The following BNC2 variants were observed in gnomAD, a reference collection of about 807,000 sequenced individuals.
The protein encoded by BNC2 is basonuclin zinc finger protein 2.
A neutral mutation model predicts 76.3 loss-of-function variants in BNC2; 20 were observed. The ratio of observed to expected loss-of-function variants is 0.26; its 90% CI spans 0.18 to 0.38. BNC2 has a LOEUF of 0.38. Ranked by LOEUF, BNC2 falls within the 10% of genes least tolerant of loss-of-function variation. The pLI is 1.00. For synonymous variants in BNC2, 582 were observed against 514.8 expected, an observed-to-expected ratio of 1.13 and a Z score of -1.77; for missense variants, 1,382 against 1,399.8, an observed-to-expected ratio of 0.99 and a Z score of 0.20.
Position 16,583,033 on chromosome 9 carries a change from T to A in BNC2, c.383A>T (p.Lys128Met), listed in dbSNP as rs769418207. ...CTGATCACAAGTCCTCAGGTTAATC[T>A]TCCCTGGCTGAAAACATTCACATGT... The part of the protein sequence containing the change: ...NCTCECFQPG[K>M]INLRTCDQCK... Residue 128 changes from lysine to methionine, a missense_variant, in exon 4 of 7, where the codon AAG (lysine) becomes ATG (methionine). By Grantham distance (95) the Lys-to-Met change is moderately conservative. Around this residue, in one of 3 missense-constraint regions of BNC2, gnomAD observed 557 missense variants for 540.9 expected, o/e 1.03. Coordinates refer to ENST00000380672, the MANE Select transcript of BNC2 (RefSeq NM_017637.6). The A allele has an allele frequency of 1.9e-6, 3 of 1,614,040 alleles. No homozygotes were observed. In the Admixed American group the frequency reaches 5.0e-5, roughly 27 times the overall value.
At chr9:16,538,755 ATTGCAGAGT>A (rs936927679) in intron 5 of BNC2, among the ~76,000 whole-genome samples, 1 of 152,222 alleles carries the variant, frequency 6.6e-6, no homozygotes, top group Non-Finnish European at 1.5e-5. Flanking sequence ...CAGTCATTTA[ATTGCAGAGT>A]TTGAATTAAT....
At chr9:16,602,480 C>T (rs1323008390) in intron 3 of BNC2, among the ~76,000 whole-genome samples, 1 of 152,210 alleles carries the variant, frequency 6.6e-6, no homozygotes, top group South Asian at 2.1e-4. Context: ...ATATAAATTG[C>T]ATGAACAGGG....
chr9:16,649,581 G>A (rs2133934356), intron 3 of BNC2, among the ~76,000 whole-genome samples: 1 of 152,098 alleles, frequency 6.6e-6, no homozygotes. Flanking sequence ...TGTTGTTTAG[G>A]GATTAAAAAA....
chr9:16,805,312 G>C (rs765326811), intron 1 of BNC2, among the ~76,000 whole-genome samples: 7 of 151,678 alleles, frequency 4.6e-5, no homozygotes, highest in Non-Finnish European at 4.4e-5. Context: ...TCATTCAAAG[G>C]AAATTCATTA....
At chr9:16,575,343 G>C (rs1819453215) in intron 4 of BNC2, 1 of 985,164 alleles carries the variant, frequency 1.0e-6, no homozygotes. Flanking sequence ...CAGCAGACCA[G>C]CAGTGACTAC....
intron 5 of BNC2, among the ~76,000 whole-genome samples, chr9:16,529,519 C>A (rs1817913296): frequency 6.6e-6 from 1 of 152,026 alleles, no homozygotes; most frequent in Non-Finnish European, 1.5e-5. Flanking sequence ...AAACCAATAA[C>A]ACATATTTAA....
At chr9:16,658,880 G>A (rs1822012337) in intron 3 of BNC2, among the ~76,000 whole-genome samples, 1 of 152,244 alleles carries the variant, frequency 6.6e-6, no homozygotes, top group African/African-American at 2.4e-5. Context: ...AAAAGCAATG[G>A]CTGAAGGACA....
At chr9:16,516,661 T>G (rs1817453109) in intron 5 of BNC2, among the ~76,000 whole-genome samples, 2 of 152,178 alleles carry the variant, frequency 1.3e-5, no homozygotes, top group East Asian at 3.8e-4. Flanking sequence ...GCTTCTTTTT[T>G]TTTCTTTTTT....
intron 1 of BNC2, among the ~76,000 whole-genome samples, chr9:16,831,005 G>A (rs1586918607): frequency 1.3e-5 from 2 of 152,302 alleles, no homozygotes; most frequent in East Asian, 3.9e-4. Flanking sequence ...CGTGGAAAAT[G>A]TTTCATCCTC....
intron 3 of BNC2, among the ~76,000 whole-genome samples, chr9:16,602,707 T>G (rs1030970665): frequency 6.6e-6 from 1 of 152,202 alleles, no homozygotes; most frequent in African/African-American, 2.4e-5. Flanking sequence ...ACCAACTTAC[T>G]GTACAGAAGC....
intron 1 of BNC2, among the ~76,000 whole-genome samples, chr9:16,864,870 G>C (rs1315221887): frequency 6.6e-6 from 1 of 152,000 alleles, no homozygotes; most frequent in Non-Finnish European, 1.5e-5. Flanking sequence ...AATAGGAATA[G>C]TTGACAAGAG....
At chr9:16,769,003 T>A (rs1825765418) in intron 1 of BNC2, among the ~76,000 whole-genome samples, 1 of 152,070 alleles carries the variant, frequency 6.6e-6, no homozygotes, top group South Asian at 2.1e-4. Context: ...AACTTCCAGG[T>A]TTCTGACTTC....
At chr9:16,812,385 A>G (rs1041088295) in intron 1 of BNC2, among the ~76,000 whole-genome samples, 1 of 152,238 alleles carries the variant, frequency 6.6e-6, no homozygotes, top group Non-Finnish European at 1.5e-5. Context: ...GGGGGCTCCC[A>G]GCCTGAGAGC....
intron 5 of BNC2, among the ~76,000 whole-genome samples, chr9:16,526,166 T>C (rs751255137): frequency 1.3e-5 from 2 of 152,124 alleles, no homozygotes; most frequent in Non-Finnish European, 2.9e-5. Flanking sequence ...AGATCACTGT[T>C]GTATTTAATT....
intron 1 of BNC2, among the ~76,000 whole-genome samples, chr9:16,810,069 C>G (rs371242660): frequency 5.3e-5 from 8 of 152,106 alleles, no homozygotes; most frequent in African/African-American, 1.9e-4. Flanking sequence ...TGCCTACTGA[C>G]CCATCTCAAT....
intron 5 of BNC2, among the ~76,000 whole-genome samples, chr9:16,482,295 C>T (rs979786257): frequency 2.6e-5 from 4 of 152,132 alleles, no homozygotes; most frequent in Non-Finnish European, 5.9e-5. Flanking sequence ...AATAGTACTA[C>T]AGCAGATTTA....
At chr9:16,545,094 T>C (rs1818438711) in intron 5 of BNC2, among the ~76,000 whole-genome samples, 1 of 152,198 alleles carries the variant, frequency 6.6e-6, no homozygotes, top group Admixed American at 6.5e-5. Context: ...TACTCCTGCC[T>C]CTTATTTATA....
chr9:16,632,373 C>T (rs998432237), intron 3 of BNC2, among the ~76,000 whole-genome samples: 3 of 151,978 alleles, frequency 2.0e-5, no homozygotes, highest in Admixed American at 6.6e-5. Flanking sequence ...AACAAAAAAA[C>T]TGGCATAGCC....
chr9:16,832,361 G>A (rs777723471), intron 1 of BNC2: 1 of 1,220,290 alleles, frequency 8.2e-7, no homozygotes, highest in African/African-American at 1.6e-5. Flanking sequence ...CTGTGAAACA[G>A]AACAGAGAAC....
Sources: gnomAD v4.1 joint callset for allele counts (sites outside exome capture counted in the v4.1 genomes callset) on GRCh38, gnomAD v4.1.1 for gene constraint, gnomAD v4.1.1 regional missense constraint, MANE v1.5 for transcripts, NCBI Gene and HGNC (gene_info 2026-07-23, HGNC 2026-07-21) for gene names.